CFAP65: variants seen among roughly 807,000 people sequenced by gnomAD.
CFAP65 encodes cilia- and flagella-associated protein 65.
Under a neutral mutation model 208.0 loss-of-function variants are expected in CFAP65, and 155 were observed. The ratio of observed to expected loss-of-function variants is 0.75; its 90% CI spans 0.65 to 0.85. The LOEUF (loss-of-function observed/expected upper bound fraction) is 0.85. CFAP65 is among the 40% of genes least tolerant of loss of function. The pLI is 0.00. For synonymous variants in CFAP65, 970 were observed against 986.3 expected, an observed-to-expected ratio of 0.98 and a Z score of 0.31; for missense variants, 2,294 against 2,451.3, an observed-to-expected ratio of 0.94 and a Z score of 1.36.
rs371963977 is a variant in CFAP65, at chr2:219,013,356, C to T, written c.3860G>A (p.Gly1287Asp). The change falls in exon 24 of 35, where the codon GGT (glycine) becomes GAT (aspartate). Residue 1287 changes from glycine (G) to aspartate (D), a missense_variant. Around this residue, in one of 2 missense-constraint regions of CFAP65, gnomAD observed 1,427 missense variants for 1,438.7 expected, o/e 0.99. Transcript: ENST00000341552. ...HGREILLNFI[G>D]VTVKPEQKYV... ...CTTCTGCTCCGGCTTCACTGTCACACCTATGAAATTTAGCTGGAAATAAAA... is the reference window on the plus strand; with the variant it reads ...CTTCTGCTCCGGCTTCACTGTCACATCTATGAAATTTAGCTGGAAATAAAA... 11 of 1,613,046 alleles carry T rather than the reference C, an allele frequency of 6.8e-6. No individual in the cohort carries two copies. Among genetic ancestry groups the T allele is most frequent in the Non-Finnish European group, 8.5e-6 (10 of 1,179,420 alleles).
intron 19 of CFAP65, 62 bp from the exon 20 acceptor site, chr2:219,019,781 T>G (rs1947157238): frequency 6.9e-7 from 1 of 1,441,912 alleles, no homozygotes; most frequent in Non-Finnish European, 9.7e-7. Context: ...GGAGGGGGCA[T>G]GCAGGCCAAA....
chr2:219,004,307 G>T lies in CFAP65; in HGVS notation c.5200C>A (p.Pro1734Thr). The change falls in exon 33 of 35, where the codon CCC becomes ACC. Residue 1734 changes from proline to threonine, a missense_variant. Physicochemically the swap from Pro to Thr is conservative, Grantham distance 38. Coordinates refer to ENST00000341552, the MANE Select transcript of CFAP65 (RefSeq NM_194302.4). The surrounding 1 kb of genome is among the most constrained non-coding windows in gnomAD (Gnocchi z 4.7). ...TTCCCATCCTCCCAGCTGCTGGAGG[G>T]TACAGGCAGGATTGGCATTAAGTAC... ...SLYLMPILPV[P>T]SSSWEDGKGK... The T allele has an allele frequency of 6.2e-7, 1 of 1,614,064 alleles. No individual in the cohort carries two copies. Among genetic ancestry groups the T allele is most frequent in the Non-Finnish European group, 8.5e-7 (1 of 1,180,034 alleles).
At chr2:219,023,141 A>G in intron 16 of CFAP65, 66 bp downstream of exon 16, 1 of 1,388,016 alleles carries the variant, frequency 7.2e-7, no homozygotes, top group Non-Finnish European at 1.0e-6. Context: ...CTGGGCTATG[A>G]TAGGCACAAA....
rs1659472023 is a variant in CFAP65 at position 219,031,932 on chromosome 2, T to C, written c.646-274A>G. On this transcript the variant is annotated intron_variant, in intron 6 of 34. Coordinates refer to ENST00000341552, the MANE Select transcript of CFAP65 (RefSeq NM_194302.4). This position sits in a 1 kb window ranked among gnomAD's most constrained non-coding sequence, Gnocchi z 5.2. ...AGGGGTTTCTTTTCTTTTCTTTTTTTTTTTTTTTTTTTGAGTCTCGCTCTG... is the reference window on the plus strand; with the variant it reads ...AGGGGTTTCTTTTCTTTTCTTTTTTCTTTTTTTTTTTTGAGTCTCGCTCTG... Among the ~76,000 whole-genome samples the C allele has an allele frequency of 6.7e-6, 1 of 149,448 alleles. No individual in the cohort carries two copies. Among genetic ancestry groups the C allele is most frequent in the Admixed American group, 6.6e-5 (1 of 15,108 alleles).
intron 19 of CFAP65, 137 bp from the exon 20 acceptor site, chr2:219,019,856 T>C (rs895975459): frequency 2.0e-5 from 13 of 655,234 alleles, no homozygotes; most frequent in Admixed American, 5.3e-5. Flanking sequence ...CCTCTCGGGC[T>C]CTAGGGCATT....
chr2:219,028,454 G>A (rs2106214830), intron 11 of CFAP65, 53 bp from the exon 12 acceptor site: 1 of 1,473,242 alleles, frequency 6.8e-7, no homozygotes, highest in South Asian at 1.1e-5. Flanking sequence ...TAGGGCAAGG[G>A]GGGTGCTGGG....
At chr2:219,014,784 AC>A (rs1465783101) in intron 21 of CFAP65, 1 of 153,046 alleles carries the variant, frequency 6.5e-6, no homozygotes, top group Non-Finnish European at 1.5e-5. Context: ...AAAGCACGCA[AC>A]GCGCACCTGA....
At chr2:219,021,076 C>T (rs1947234079) in intron 19 of CFAP65, 76 bp downstream of exon 19, 2 of 1,433,192 alleles carry the variant, frequency 1.4e-6, no homozygotes, top group South Asian at 3.3e-5. Flanking sequence ...GCTCGGCATC[C>T]ACTGCCTCAC....
Position 219,009,083 on chromosome 2 carries a change from C to T in CFAP65, c.4638G>A (p.Gln1546=), listed in dbSNP as rs775292430. The change falls in exon 29 of 35, where the codon CAG becomes CAA. Residue 1546 remains glutamine (Q), a synonymous_variant. Coordinates refer to ENST00000341552, the MANE Select transcript of CFAP65 (RefSeq NM_194302.4). ...TGTCGGTGATGGTGAACTCCACTTC[C>T]TGCCGCACCTTCTCGTCCTTCCACT... The part of the protein sequence containing the change: ...LQEWKDEKVR[Q]EVEFTITDMK... The T allele has an allele frequency of 2.5e-6, 4 of 1,612,946 alleles. No individual in the cohort carries two copies. Among genetic ancestry groups the T allele is most frequent in the East Asian group, 4.5e-5 (2 of 44,882 alleles).
Position 219,008,968 on chromosome 2 carries a change from T to G in CFAP65, c.4674+79A>C, listed in dbSNP as rs965201137. On this transcript the variant is annotated intron_variant, in intron 29 of 34. Transcript: ENST00000341552. ...GGCTGGTTTGGCCTGGAGGGCCACC[T>G]TGGCCCACTACCTCTGTCCCCTCTG... 110 of 1,241,810 alleles carry G rather than the reference T, an allele frequency of 8.9e-5. No individual in the cohort carries two copies. In the Admixed American group the frequency reaches 1.9e-3, roughly 22 times the overall value. The allele number at this position is 1,241,810 out of a possible 1,614,324, so 76.9% of individuals were successfully genotyped here.
intron 18 of CFAP65, 103 bp from the exon 19 acceptor site, chr2:219,021,383 G>A (rs901944410): frequency 9.7e-6 from 13 of 1,346,182 alleles, no homozygotes; most frequent in Non-Finnish European, 1.3e-5. Flanking sequence ...GAGGACAGCA[G>A]GCCCTGAGGC....
In CFAP65 at chr2:219,010,219, C is replaced by T. The variant is rs10179065; in HGVS notation, c.4309-134G>A. 4.1e-3 allele frequency: 3,223 copies of T among 795,070 alleles called. 74 individuals are homozygous for T. In the African/African-American group the frequency reaches 0.05, roughly 12 times the overall value. 49.3% of individuals were successfully genotyped at this position (795,070 alleles called of 1,614,324 possible). On this transcript the variant is annotated intron_variant, in intron 26 of 34. Coordinates refer to ENST00000341552, the MANE Select transcript of CFAP65 (RefSeq NM_194302.4). The stretch of plus-strand genomic sequence containing the variant: ...AAAATCGAGACCACTGTGCCTGGCC[C>T]TTTTGACACCTTTCAACACCCCCAC...
Position 219,031,196 on chromosome 2 carries a change from G to T in CFAP65, c.925C>A (p.Pro309Thr), listed in dbSNP as rs1296141354. The T allele has an allele frequency of 1.2e-6, 2 of 1,613,128 alleles. No homozygotes were observed. Among genetic ancestry groups the T allele is most frequent in the African/African-American group, 2.7e-5 (2 of 74,926 alleles). The change falls in exon 8 of 35, where the codon CCC becomes ACC. Residue 309 changes from proline to threonine, a missense_variant. By Grantham distance (38) the Pro-to-Thr change is conservative. Transcript: ENST00000341552. This position sits in a 1 kb window ranked among gnomAD's most constrained non-coding sequence, Gnocchi z 5.2. The part of the protein sequence containing the change: ...QASQIKVTFQ[P>T]LTAVIYEVQA... ...ACCTCGTAGATGACGGCTGTAAGGG[G>T]CTGAAAGGTCACCTTGATCTGAGAG...
At chr2:219,019,216 T>C in intron 20 of CFAP65, 37 bp from the exon 21 acceptor site, 1 of 1,587,270 alleles carries the variant, frequency 6.3e-7, no homozygotes, top group Non-Finnish European at 8.6e-7. Flanking sequence ...GAGATGGGGA[T>C]GGGGCCAGGG....
In CFAP65 at chr2:219,012,681, G is replaced by A. The variant is rs898562656; in HGVS notation, c.3957+578C>T. Among the ~76,000 whole-genome samples the A allele has an allele frequency of 7.5e-4, 114 of 152,210 alleles. 1 individual carries two copies. Among genetic ancestry groups the A allele is most frequent in the Admixed American group, 3.8e-3 (58 of 15,280 alleles). On this transcript the variant is annotated intron_variant, in intron 24 of 34. Transcript: ENST00000341552. ...TGCCTTCAATCAGTAAAGAAAGAAA[G>A]GTCTAAAGCTTCCCAAGAATTCACA...
chr2:219,030,297 A>C, intron 9 of CFAP65, 89 bp from the exon 10 acceptor site: 1 of 1,375,488 alleles, frequency 7.3e-7, no homozygotes, highest in Admixed American at 1.7e-5. Context: ...TGGCGTGCCT[A>C]GCCAAGGGGG....
rs761554289 is a variant in CFAP65, at chr2:219,013,529, C to T, written c.3836G>A (p.Arg1279Gln). 47 of 1,599,122 alleles carry T rather than the reference C, an allele frequency of 2.9e-5. No homozygotes were observed. The highest frequency in any genetic ancestry group is 6.8e-5 in the South Asian group (6 of 87,818). The change falls in exon 23 of 35, where the codon CGG (arginine) becomes CAG (glutamine). Residue 1279 changes from arginine (R) to glutamine (Q), a missense_variant. Physicochemically the swap from Arg to Gln is conservative, Grantham distance 43 (BLOSUM62 1). This residue lies in a region of CFAP65 where 1,427 missense variants were observed against 1,438.7 expected (regional missense o/e 0.99). Transcript: ENST00000341552. Reference sequence around the variant, plus strand: ...GTGCTGGGGCCTCACCAGGATCTCCCGGCCATGGGACACCTTGAAGAGCAC... The same window carrying T: ...GTGCTGGGGCCTCACCAGGATCTCCTGGCCATGGGACACCTTGAAGAGCAC... ...LPVLFKVSHG[R>Q]EILLNFIGVT...
intron 31 of CFAP65, 119 bp downstream of exon 31, chr2:219,005,902 C>T (rs1945935843): frequency 4.8e-6 from 5 of 1,037,300 alleles, no homozygotes; most frequent in African/African-American, 4.8e-5. Flanking sequence ...CAATGAGCCC[C>T]ACTGCTGCTG....
At chr2:219,016,960 C>G (rs888182151) in intron 21 of CFAP65, among the ~76,000 whole-genome samples, 11 of 152,266 alleles carry the variant, frequency 7.2e-5, no homozygotes, top group African/African-American at 2.7e-4. Flanking sequence ...GTCTGGAAGG[C>G]GCTTCACAAC....
Sources: gnomAD v4.1 joint callset for allele counts (sites outside exome capture counted in the v4.1 genomes callset) on GRCh38, gnomAD v4.1.1 for gene constraint, gnomAD v4.1.1 regional missense constraint, Gnocchi (gnomAD v3.1) non-coding constraint, MANE v1.5 for transcripts, NCBI Gene and HGNC (gene_info 2026-07-23, HGNC 2026-07-21) for gene names.